The following ASTN2 variants were observed in gnomAD, a reference collection of about 807,000 sequenced individuals.
ASTN2 encodes the protein astrotactin 2.
ASTN2 carries 54 observed loss-of-function variants against 139.8 expected under a neutral mutation model. The ratio of observed to expected loss-of-function variants is 0.39; its 90% CI spans 0.31 to 0.48. ASTN2 has a LOEUF of 0.48. Among genes scored for constraint, ASTN2 ranks in the 20% least tolerant of loss-of-function variants. ASTN2 has a pLI of 0.95. For synonymous variants in ASTN2, 756 were observed against 719.5 expected (o/e 1.05, Z -0.81); for missense variants, 1,565 against 1,725.1 (o/e 0.91, Z 1.64).
chr9:117,000,428 T>G (rs4144636), intron 7 of ASTN2, among the ~76,000 whole-genome samples: 96,810 of 152,136 alleles, frequency 0.64, 35,524 homozygotes, highest in Non-Finnish European at 0.81. Flanking sequence ...TCATTTGCTT[T>G]ATGTGTTGTA....
chr9:117,362,440 G>T (rs1027095107), intron 1 of ASTN2, among the ~76,000 whole-genome samples: 17 of 152,084 alleles, frequency 1.1e-4, no homozygotes, highest in Non-Finnish European at 1.8e-4. Context: ...CTAAAGAGAG[G>T]CCCTGGTGGT....
intron 6 of ASTN2, among the ~76,000 whole-genome samples, chr9:117,032,950 T>C (rs962425264): frequency 1.2e-4 from 19 of 152,104 alleles, no homozygotes; most frequent in Admixed American, 1.2e-3. Flanking sequence ...ATAACCTGAA[T>C]AAAAAGACAT....
chr9:117,374,465 A>G (rs1830069629), intron 1 of ASTN2, among the ~76,000 whole-genome samples: 1 of 152,130 alleles, frequency 6.6e-6, no homozygotes, highest in African/African-American at 2.4e-5. Flanking sequence ...AAAGATCACA[A>G]GATGACTTAA....
Position 116,921,537 on chromosome 9 carries a change from G to A in ASTN2, c.1889+53671C>T, listed in dbSNP as rs1157406258. Among the ~76,000 whole-genome samples, 6 of 146,966 alleles carry A rather than the reference G, an allele frequency of 4.1e-5. No homozygotes were observed. The South Asian group carries it at 6.5e-4, about 16-fold the overall frequency. On this transcript the variant is annotated intron_variant, in intron 10 of 22. Coordinates refer to ENST00000313400, the MANE Select transcript of ASTN2 (RefSeq NM_001365068.1). ...TGGGAAGCGGAGCTTGCAGTGAGCC[G>A]AGATTGGACCACTGTACTCCAGCCT...
chr9:116,671,582 G>A (rs530647156), intron 16 of ASTN2, among the ~76,000 whole-genome samples: 2 of 152,212 alleles, frequency 1.3e-5, no homozygotes, highest in Non-Finnish European at 2.9e-5. Context: ...TCCTCCACTT[G>A]AGTTACTTGC....
intron 16 of ASTN2, among the ~76,000 whole-genome samples, chr9:116,670,400 G>C (rs1346268242): frequency 6.6e-6 from 1 of 151,816 alleles, no homozygotes; most frequent in African/African-American, 2.4e-5. Flanking sequence ...GCTGGGCCAG[G>C]GGATCACAGC....
intron 4 of ASTN2, among the ~76,000 whole-genome samples, chr9:117,121,770 G>A (rs1049206504): frequency 2.6e-5 from 4 of 152,200 alleles, no homozygotes; most frequent in African/African-American, 7.2e-5. Context: ...ATCTGGGGAA[G>A]CCACAGGAAA....
chr9:116,491,815 C>T (rs1229539087), intron 19 of ASTN2, among the ~76,000 whole-genome samples: 2 of 152,170 alleles, frequency 1.3e-5, no homozygotes, highest in African/African-American at 4.8e-5. Flanking sequence ...CATCTGGCAA[C>T]CATACAATTG....
chr9:117,073,225 T>C (rs978649263), intron 5 of ASTN2, among the ~76,000 whole-genome samples: 1 of 151,988 alleles, frequency 6.6e-6, no homozygotes, highest in African/African-American at 2.4e-5. Context: ...TCTTAATGAG[T>C]CCCCAGGCTT....
chr9:117,394,709 G>A (rs1219352324), intron 1 of ASTN2, among the ~76,000 whole-genome samples: 1 of 152,158 alleles, frequency 6.6e-6, no homozygotes. Flanking sequence ...GGAAAGTAAA[G>A]CTTATTTTCC....
intron 11 of ASTN2, among the ~76,000 whole-genome samples, chr9:116,859,854 C>T (rs1056835962): frequency 1.6e-3 from 246 of 152,334 alleles, no homozygotes; most frequent in African/African-American, 5.8e-3. Context: ...AGATCCTTTC[C>T]TGGCATGTCT....
At chr9:117,391,425 C>T (rs148914053) in intron 1 of ASTN2, among the ~76,000 whole-genome samples, 1 of 152,250 alleles carries the variant, frequency 6.6e-6, no homozygotes, top group East Asian at 1.9e-4. Flanking sequence ...ATGTGGATGG[C>T]AGCAGGCAAA....
intron 19 of ASTN2, chr9:116,583,709 G>C (rs1199657191): frequency 2.6e-5 from 4 of 152,084 alleles, no homozygotes; most frequent in African/African-American, 9.7e-5. Context: ...CTGAACTCCT[G>C]CTATACCACA....
chr9:117,181,108 G>A, intron 3 of ASTN2: 1 of 938,456 alleles, frequency 1.1e-6, no homozygotes, highest in Non-Finnish European at 1.7e-6. Context: ...ACAACAAACA[G>A]GCTGCATACA....
At chr9:116,853,275 A>C (rs2132325343) in intron 11 of ASTN2, among the ~76,000 whole-genome samples, 1 of 152,298 alleles carries the variant, frequency 6.6e-6, no homozygotes, top group African/African-American at 2.4e-5. Context: ...ACTTTTAGAA[A>C]ACCAAAAAAA....
chr9:116,907,555 TG>T (rs1048900891), intron 10 of ASTN2, among the ~76,000 whole-genome samples: 7 of 152,134 alleles, frequency 4.6e-5, no homozygotes, highest in African/African-American at 1.7e-4. Flanking sequence ...CAAGGCTAAA[TG>T]GGGGCTATAT....
At chr9:116,703,548 G>A (rs934585135) in intron 16 of ASTN2, among the ~76,000 whole-genome samples, 9 of 150,260 alleles carry the variant, frequency 6.0e-5, no homozygotes, top group African/African-American at 2.2e-4. Flanking sequence ...GTCACAGGAA[G>A]GGGAATATCA....
intron 3 of ASTN2, chr9:117,180,631 T>A (rs1831037429): frequency 8.9e-7 from 1 of 1,120,734 alleles, no homozygotes; most frequent in Non-Finnish European, 1.2e-6. Flanking sequence ...GAGTATCTTT[T>A]TTTTTTTTTT....
At chr9:116,898,878 C>T (rs1173468453) in intron 10 of ASTN2, among the ~76,000 whole-genome samples, 1 of 152,038 alleles carries the variant, frequency 6.6e-6, no homozygotes, top group Non-Finnish European at 1.5e-5. Flanking sequence ...CACTATATCG[C>T]CCTAGCTGGT....
Sources: allele counts gnomAD v4.1 joint callset (sites outside exome capture counted in the v4.1 genomes callset), GRCh38; gene constraint gnomAD v4.1.1; transcripts MANE v1.5; gene names NCBI Gene and HGNC (gene_info 2026-07-23, HGNC 2026-07-21).